Variants in GLTP observed in about 807,000 individuals in gnomAD.
GLTP encodes glycolipid transfer protein.
A neutral mutation model predicts 24.0 loss-of-function variants in GLTP; 22 were observed. That is an observed-to-expected ratio of 0.92 (90% confidence interval 0.65 to 1.31). The LOEUF (loss-of-function observed/expected upper bound fraction) is 1.31. Among genes scored for constraint, GLTP ranks in the 50% most tolerant of loss-of-function variants. GLTP has a pLI of 0.00. For missense variants in GLTP, 224 were observed against 276.6 expected, an observed-to-expected ratio of 0.81 and a Z score of 1.35; for synonymous variants, 92 against 115.9, an observed-to-expected ratio of 0.79 and a Z score of 1.33.
At chr12:109,864,313 T>C (rs1868454053) in intron 1 of GLTP, among the ~76,000 whole-genome samples, 1 of 152,152 alleles carries the variant, frequency 6.6e-6, no homozygotes, top group Non-Finnish European at 1.5e-5. Flanking sequence ...TGAAGTGGGT[T>C]TGGAAGCATC....
At chr12:109,866,178 A>G (rs550459791) in intron 1 of GLTP, 1 of 141,856 alleles carries the variant, frequency 7.0e-6, no homozygotes, top group Non-Finnish European at 1.5e-5. Context: ...AATAATAACA[A>G]AAAAAAAGTG....
At chr12:109,865,415 T>A in intron 1 of GLTP, among the ~76,000 whole-genome samples, 1 of 151,902 alleles carries the variant, frequency 6.6e-6, no homozygotes, top group Admixed American at 6.6e-5. Flanking sequence ...TCACCTGAGA[T>A]CCGGAGTTCA....
chr12:109,852,546 TG>T lies in GLTP; in HGVS notation c.*8del, dbSNP rs1317954772. On this transcript the variant is annotated 3_prime_UTR_variant, in exon 5 of 5. Coordinates refer to ENST00000318348, the MANE Select transcript of GLTP (RefSeq NM_016433.4). ...CACGAGTCGGGGACGTGTCCAGCAG[TG>T]GGCATGCCTACACCTTGTAGTTAAG... is the stretch of plus-strand genomic sequence containing the variant. The T allele has an allele frequency of 2.5e-6, 4 of 1,579,598 alleles. No individual in the cohort carries two copies. Among genetic ancestry groups the T allele is most frequent in the African/African-American group, 1.3e-5 (1 of 74,270 alleles).
Position 109,855,511 on chromosome 12 carries a change from GGGGGTAAA to G in GLTP, c.447+100_447+107del. ...ATGAGGGAGCCCTTCCTGAGCCCGA[GGGGGTAAA>G]CACAGCCTCACAGGCCAGGAGGCCT... On this transcript the variant is annotated intron_variant, in intron 4 of 4. Transcript: ENST00000318348. The surrounding 1 kb of genome is among the most constrained non-coding windows in gnomAD (Gnocchi z 4.1). 1 of 987,524 alleles carries G rather than the reference GGGGGTAAA, an allele frequency of 1.0e-6. No homozygotes were observed. 61.2% of individuals were successfully genotyped at this position (987,524 alleles called of 1,614,324 possible). A position where few individuals can be genotyped will look rare whatever the true frequency, so the allele number is the denominator to read the frequency against.
At chr12:109,861,243 G>A (rs1447067781) in intron 1 of GLTP, among the ~76,000 whole-genome samples, 1 of 152,156 alleles carries the variant, frequency 6.6e-6, no homozygotes, top group Non-Finnish European at 1.5e-5. Context: ...ATGAAAAGAG[G>A]TGCATGAGAG....
chr12:109,873,242 CAG>C (rs1425835979), intron 1 of GLTP, among the ~76,000 whole-genome samples: 1 of 151,570 alleles, frequency 6.6e-6, no homozygotes, highest in Non-Finnish European at 1.5e-5. Context: ...TCCCAAATCT[CAG>C]AGGATGCTTG....
intron 3 of GLTP, among the ~76,000 whole-genome samples, chr12:109,856,274 G>T (rs946506027): frequency 6.6e-6 from 1 of 152,190 alleles, no homozygotes; most frequent in Non-Finnish European, 1.5e-5. Flanking sequence ...CTCTGCCTGA[G>T]ACCTCCCTGA....
intron 1 of GLTP, among the ~76,000 whole-genome samples, chr12:109,875,160 A>G (rs1432570449): frequency 3.9e-5 from 6 of 152,206 alleles, no homozygotes; most frequent in East Asian, 3.8e-4. Flanking sequence ...TCATTCAGCG[A>G]AAAGTACTAG....
intron 1 of GLTP, among the ~76,000 whole-genome samples, chr12:109,877,667 C>T (rs1038422264): frequency 1.3e-5 from 2 of 152,136 alleles, no homozygotes; most frequent in Non-Finnish European, 2.9e-5. Context: ...AGCTGCAAGG[C>T]GTTTCACACT....
intron 1 of GLTP, among the ~76,000 whole-genome samples, chr12:109,878,891 A>G (rs1266898283): frequency 2.0e-5 from 3 of 152,192 alleles, no homozygotes; most frequent in Non-Finnish European, 4.4e-5. Context: ...GCACTCCCTC[A>G]AACACCGATT....
At chr12:109,872,716 T>C (rs781120339) in intron 1 of GLTP, among the ~76,000 whole-genome samples, 2 of 152,202 alleles carry the variant, frequency 1.3e-5, no homozygotes, top group South Asian at 2.1e-4. Flanking sequence ...TGTACAGCCA[T>C]TGCAGAAAGT....
rs866777297 is a variant in GLTP, at chr12:109,880,370, G to A, written c.5C>T (p.Ala2Val). The stretch of plus-strand genomic sequence containing the variant: ...CTTCAGCAAGTGTTCGGCCAGCAGC[G>A]CCATTTCGGGGTCGAGGCCCGCGGT... Reference protein sequence around the residue: MALLAEHLLKPL... With the variant: MVLLAEHLLKPL... Residue 2 changes from alanine (A) to valine (V), a missense_variant, in exon 1 of 5, where the codon GCG becomes GTG. By Grantham distance (64) the Ala-to-Val change is moderately conservative. Coordinates refer to ENST00000318348, the MANE Select transcript of GLTP (RefSeq NM_016433.4). The surrounding 1 kb of genome is among the most constrained non-coding windows in gnomAD (Gnocchi z 5.1). 23 of 1,573,074 alleles carry A rather than the reference G, an allele frequency of 1.5e-5. No individual in the cohort carries two copies. The highest frequency in any genetic ancestry group is 1.9e-5 in the Non-Finnish European group (22 of 1,160,888).
In GLTP at chr12:109,880,379, G is replaced by C. The variant is rs1869041359; in HGVS notation, c.-5C>G. The C allele has an allele frequency of 6.4e-7, 1 of 1,574,434 alleles. No homozygotes were observed. Among genetic ancestry groups the C allele is most frequent in the African/African-American group, 1.4e-5 (1 of 72,538 alleles). The stretch of plus-strand genomic sequence containing the variant: ...GTGTTCGGCCAGCAGCGCCATTTCG[G>C]GGTCGAGGCCCGCGGTGATGCCCCA... On this transcript the variant is annotated 5_prime_UTR_variant, in exon 1 of 5. Coordinates refer to ENST00000318348, the MANE Select transcript of GLTP (RefSeq NM_016433.4). This position sits in a 1 kb window ranked among gnomAD's most constrained non-coding sequence, Gnocchi z 5.1.
At chr12:109,867,516 G>A (rs1868566908) in intron 1 of GLTP, among the ~76,000 whole-genome samples, 1 of 152,162 alleles carries the variant, frequency 6.6e-6, no homozygotes, top group Admixed American at 6.5e-5. Context: ...GAGAAGGTAT[G>A]CACCAATGAG....
chr12:109,861,053 T>C (rs4766638), intron 1 of GLTP, among the ~76,000 whole-genome samples: 88,821 of 151,924 alleles, frequency 0.58, 26,803 homozygotes, highest in African/African-American at 0.66. Flanking sequence ...AGGCTAGAGG[T>C]GGGTGCCAAT....
At position 109,852,778 on chromosome 12, in the gene GLTP, G is replaced by A. The variant is rs925510398; in HGVS notation, c.448-41C>T. On this transcript the variant is annotated intron_variant, in intron 4 of 4. Coordinates refer to ENST00000318348, the MANE Select transcript of GLTP (RefSeq NM_016433.4). ...AAGGGAGGTAGGCACAGCGTTAGCG[G>A]GGGCTGAGGAGCCAGGCCAGCAGGC... The A allele has an allele frequency of 4.3e-6, 6 of 1,409,604 alleles. No homozygotes were observed. In the African/African-American group the frequency reaches 5.7e-5, roughly 13 times the overall value. The allele number at this position is 1,409,604 out of a possible 1,614,324, so 87.3% of individuals were successfully genotyped here.
At chr12:109,878,041 A>G (rs1868940905) in intron 1 of GLTP, among the ~76,000 whole-genome samples, 1 of 152,180 alleles carries the variant, frequency 6.6e-6, no homozygotes, top group South Asian at 2.1e-4. Flanking sequence ...CGGCTTCTGT[A>G]TAAATGGTAC....
intron 1 of GLTP, among the ~76,000 whole-genome samples, chr12:109,862,431 C>T (rs1047438278): frequency 1.3e-5 from 2 of 152,184 alleles, no homozygotes; most frequent in African/African-American, 4.8e-5. Flanking sequence ...ATCCTCTTTC[C>T]TCTGCCAGTG....
chr12:109,865,939 TAATTATAA>T (rs1277761855), intron 1 of GLTP, among the ~76,000 whole-genome samples: 3 of 152,012 alleles, frequency 2.0e-5, no homozygotes, highest in East Asian at 3.9e-4. Flanking sequence ...CCAATAAATC[TAATTATAA>T]AAAACAGAAA....
Sources: gnomAD v4.1 joint callset for allele counts (sites outside exome capture counted in the v4.1 genomes callset) on GRCh38, gnomAD v4.1.1 for gene constraint, Gnocchi (gnomAD v3.1) non-coding constraint, MANE v1.5 for transcripts, NCBI Gene and HGNC (gene_info 2026-07-23, HGNC 2026-07-21) for gene names.